The following AEBP1 variants were observed in gnomAD, a reference collection of about 807,000 sequenced individuals.
AEBP1 encodes the protein AE binding protein 1.
In AEBP1, 69 loss-of-function variants were observed where a neutral mutation model predicts 116.5. The ratio of observed to expected loss-of-function variants is 0.59; its 90% CI spans 0.49 to 0.72. The LOEUF is 0.72. Among genes scored for constraint, AEBP1 ranks in the 30% least tolerant of loss-of-function variants. AEBP1 has a pLI of 0.00. For synonymous variants in AEBP1, 627 were observed against 627.3 expected (o/e 1.00, Z 0.01); for missense variants, 1,444 against 1,557.5 (o/e 0.93, Z 1.23).
Position 44,113,094 on chromosome 7 carries a change from G to T in AEBP1, c.2673G>T (p.Glu891Asp). ...PHESELPREW[E>D]NNKEALLTFM... ...AGAGTGAGCTGCCCCGCGAGTGGGA[G>T]AACAACAAGGAGGCGCTGCTCACCT... The change falls in exon 19 of 21, where the codon GAG becomes GAT. Residue 891 changes from glutamate to aspartate, a missense_variant. Transcript: ENST00000223357. The surrounding 1 kb of genome is among the most constrained non-coding windows in gnomAD (Gnocchi z 5.3). 6.2e-7 allele frequency: 1 copy of T among 1,614,090 alleles called. No homozygotes were observed. The highest frequency in any genetic ancestry group is 1.3e-5 in the African/African-American group (1 of 75,040).
At position 44,113,800 on chromosome 7, in the gene AEBP1, G is replaced by C; in HGVS notation, c.3016G>C (p.Asp1006His). 6.2e-7 allele frequency: 1 copy of C among 1,614,046 alleles called. No individual in the cohort carries two copies. ...CGGGAACCGGCCTATCCCACACATA[G>C]ACCCATCGCGCCCTATGACCCCCCA... ...MNGNRPIPHIDPSRPMTPQQR... is the reference protein window; with the variant it reads ...MNGNRPIPHIHPSRPMTPQQR... The change falls in exon 21 of 21, where the codon GAC becomes CAC. Residue 1006 changes from aspartate (D) to histidine (H), a missense_variant. Transcript: ENST00000223357. The surrounding 1 kb of genome is among the most constrained non-coding windows in gnomAD (Gnocchi z 5.3).
Position 44,108,154 on chromosome 7 carries a change from A to G in AEBP1, c.940+70A>G. The stretch of plus-strand genomic sequence containing the variant: ...GGGTCGGGGCTGGGGTGTGGTCAGG[A>G]GCCAGCTGGGGCAACTCACCCACCT... On this transcript the variant is annotated intron_variant, in intron 6 of 20. Transcript: ENST00000223357. The surrounding 1 kb of genome is among the most constrained non-coding windows in gnomAD (Gnocchi z 5.0). 1 of 1,472,182 alleles carries G rather than the reference A, an allele frequency of 6.8e-7. No individual in the cohort carries two copies. Among genetic ancestry groups the G allele is most frequent in the South Asian group, 1.2e-5 (1 of 81,562 alleles). 91.2% of individuals were successfully genotyped at this position (1,472,182 alleles called of 1,614,324 possible).
rs561000204 is a variant in AEBP1, at chr7:44,114,156, G to A, written c.3372G>A (p.Glu1124=). Reference sequence around the variant, plus strand: ...AGTTTGAGACCCAGCTGGAACCCGAGTTTGAGGAAGAGGAGGAGGAGGAGA... The same window carrying A: ...AGTTTGAGACCCAGCTGGAACCCGAATTTGAGGAAGAGGAGGAGGAGGAGA... The part of the protein sequence containing the change: ...EPEFETQLEP[E]FEEEEEEEKE... The change falls in exon 21 of 21, where the codon GAG becomes GAA. Residue 1124 remains glutamate, a synonymous_variant. Transcript: ENST00000223357. 8.7e-6 allele frequency: 14 copies of A among 1,613,992 alleles called. No individual in the cohort carries two copies. The highest frequency in any genetic ancestry group is 1.2e-5 in the Non-Finnish European group (14 of 1,180,040).
chr7:44,107,479 G>T lies in AEBP1; in HGVS notation c.636G>T (p.Glu212Asp), dbSNP rs772259453. The T allele has an allele frequency of 1.2e-6, 2 of 1,613,454 alleles. No homozygotes were observed. The highest frequency in any genetic ancestry group is 1.7e-6 in the Non-Finnish European group (2 of 1,179,984). ...ATAACTGGCAGAATCCAGGAGAGGA[G>T]ACCCATGTGGAGGCACGGGAGCACC... ...LSNNWQNPGE[E>D]THVEAREHQP... The change falls in exon 3 of 21, where the codon GAG becomes GAT. Residue 212 changes from glutamate to aspartate, a missense_variant. Glu to Asp is a conservative substitution (Grantham distance 45). Transcript: ENST00000223357. This position sits in a 1 kb window ranked among gnomAD's most constrained non-coding sequence, Gnocchi z 4.3.
Position 44,114,127 on chromosome 7 carries a change from C to T in AEBP1, c.3343C>T (p.Pro1115Ser). 1.2e-6 allele frequency: 2 copies of T among 1,613,978 alleles called. No homozygotes were observed. Among genetic ancestry groups the T allele is most frequent in the Non-Finnish European group, 1.7e-6 (2 of 1,180,006 alleles). ...VEPEFETQLE[P>S]EFETQLEPEF... ...GCCCGAGTTTGAGACCCAGTTGGAG[C>T]CTGAGTTTGAGACCCAGCTGGAACC... Residue 1115 changes from proline to serine, a missense_variant, in exon 21 of 21, where the codon CCT becomes TCT. Physicochemically the swap from Pro to Ser is moderately conservative, Grantham distance 74. Transcript: ENST00000223357.
At position 44,112,309 on chromosome 7, in the gene AEBP1, G is replaced by A; in HGVS notation, c.2205G>A (p.Ser735=). 6.4e-7 allele frequency: 1 copy of A among 1,551,506 alleles called. No individual in the cohort carries two copies. Among genetic ancestry groups the A allele is most frequent in the Non-Finnish European group, 8.7e-7 (1 of 1,146,430 alleles). ...TGCCCATCCCTGAACGCTACCTTTC[G>A]CCAGATGCCACGGTGAGGCTACAGC... is the stretch of plus-strand genomic sequence containing the variant. ...NNLPIPERYL[S]PDATVSTEVR... The change falls in exon 17 of 21, where the codon TCG becomes TCA. Residue 735 remains serine, a synonymous_variant. Coordinates refer to ENST00000223357, the MANE Select transcript of AEBP1 (RefSeq NM_001129.5). This position sits in a 1 kb window ranked among gnomAD's most constrained non-coding sequence, Gnocchi z 6.6.
chr7:44,106,716 C>A lies in AEBP1; in HGVS notation c.424C>A (p.Pro142Thr). The change falls in exon 2 of 21, where the codon CCC becomes ACC. Residue 142 changes from proline (P) to threonine (T), a missense_variant. Coordinates refer to ENST00000223357, the MANE Select transcript of AEBP1 (RefSeq NM_001129.5). ...GAAGCCACCTAAGGCCACCAAGAAG[C>A]CCAAGGAGAAGCCACCCAAGGCCAC... The part of the protein sequence containing the change: ...KEKPPKATKK[P>T]KEKPPKATKK... 1.2e-6 allele frequency: 2 copies of A among 1,612,570 alleles called. No homozygotes were observed. The highest frequency in any genetic ancestry group is 2.2e-5 in the South Asian group (2 of 90,874).
At position 44,114,280 on chromosome 7, in the gene AEBP1, A is replaced by T. The variant is rs1437705342; in HGVS notation, c.*19A>T. On this transcript the variant is annotated 3_prime_UTR_variant, in exon 21 of 21. Coordinates refer to ENST00000223357, the MANE Select transcript of AEBP1 (RefSeq NM_001129.5). Reference sequence around the variant, plus strand: ...CTTCTGAGATCAGCGTCCTACCAAGACCCCAGCCCAACTCAAGCTACAGCA... The same window carrying T: ...CTTCTGAGATCAGCGTCCTACCAAGTCCCCAGCCCAACTCAAGCTACAGCA... 10 of 1,610,946 alleles carry T rather than the reference A, an allele frequency of 6.2e-6. No homozygotes were observed. In the East Asian group the frequency reaches 2.0e-4, roughly 32 times the overall value.
Position 44,112,387 on chromosome 7 carries a change from G to A in AEBP1, c.2217+66G>A, listed in dbSNP as rs55784724. The stretch of plus-strand genomic sequence containing the variant: ...TGGACCCTGGGGTCCTGGTGTTCTG[G>A]GCTTGGGGGTGGGGCTGACGGTGCC... On this transcript the variant is annotated intron_variant, in intron 17 of 20. Transcript: ENST00000223357. This position sits in a 1 kb window ranked among gnomAD's most constrained non-coding sequence, Gnocchi z 6.6. The A allele has an allele frequency of 0.014, 20,369 of 1,499,434 alleles. 148 individuals carry two copies. The highest frequency in any genetic ancestry group is 0.024 in the Middle Eastern group (103 of 4,272). The allele number at this position is 1,499,434 out of a possible 1,614,324, so 92.9% of individuals were successfully genotyped here.
chr7:44,110,981 T>C lies in AEBP1; in HGVS notation c.1554T>C (p.Arg518=), dbSNP rs1415805789. ...LSELPEPVVA[R]FIRIYPLTWN... The stretch of plus-strand genomic sequence containing the variant: ...AGCTCCCAGAGCCGGTGGTGGCTCG[T>C]TTCATCCGCATCTACCCACTCACCT... The change falls in exon 13 of 21, where the codon CGT becomes CGC. Residue 518 remains arginine (R), a synonymous_variant. Transcript: ENST00000223357. 6.2e-6 allele frequency: 10 copies of C among 1,613,696 alleles called. No individual in the cohort carries two copies. The highest frequency in any genetic ancestry group is 6.8e-6 in the Non-Finnish European group (8 of 1,179,982).
At position 44,110,190 on chromosome 7, in the gene AEBP1, C is replaced by G. The variant is rs1210314375; in HGVS notation, c.1261-17C>G. 1 of 1,613,500 alleles carries G rather than the reference C, an allele frequency of 6.2e-7. No homozygotes were observed. Among genetic ancestry groups the G allele is most frequent in the Admixed American group, 1.7e-5 (1 of 60,018 alleles). On this transcript the variant is annotated splice_polypyrimidine_tract_variant and intron_variant, in intron 10 of 20. Coordinates refer to ENST00000223357, the MANE Select transcript of AEBP1 (RefSeq NM_001129.5). ...GACTCCTCCGCCCATGCTCAGCCTC[C>G]CCTGCCCCCTGGACAGACCGGTGCC...
Position 44,112,981 on chromosome 7 carries a change from C to T in AEBP1, c.2570-10C>T, listed in dbSNP as rs769087392. On this transcript the variant is annotated splice_polypyrimidine_tract_variant and intron_variant, in intron 18 of 20. Transcript: ENST00000223357. The surrounding 1 kb of genome is among the most constrained non-coding windows in gnomAD (Gnocchi z 6.6). The stretch of plus-strand genomic sequence containing the variant: ...GGGCTGACTTTGGGTCTGTATCTGT[C>T]CCCGGCCAGCTATCAATGACTTCAG... 2.0e-5 allele frequency: 32 copies of T among 1,613,814 alleles called. No individual in the cohort carries two copies. In the Admixed American group the frequency reaches 4.8e-4, roughly 24 times the overall value.
In AEBP1 at chr7:44,110,816, A is replaced by C. The variant is rs761293258; in HGVS notation, c.1485+7A>C. 2.5e-6 allele frequency: 4 copies of C among 1,579,814 alleles called. 1 individual carries two copies. The Admixed American group carries it at 7.2e-5, about 28-fold the overall frequency. ...CAACGGCTATGAGGAAATGGTGGGC[A>C]CCATGCCCAGGCTCTTGGCTCTGCT... On this transcript the variant is annotated splice_region_variant and intron_variant, in intron 12 of 20. Transcript: ENST00000223357.
chr7:44,106,188 A>C, intron 1 of AEBP1: 3 of 490,664 alleles, frequency 6.1e-6, no homozygotes, highest in African/African-American at 1.9e-5. Flanking sequence ...TGGATGGCTC[A>C]GTCACCTCTC....
rs201501212 is a variant in AEBP1, at chr7:44,110,927, C to T, written c.1500C>T (p.Asn500=). ...CCTCTCCCCAGACCTTTCATGGGAA[C>T]GTGGACAAGGACACACCCGTGCTGA... is the stretch of plus-strand genomic sequence containing the variant. The part of the protein sequence containing the change: ...NGYEEMTFHG[N]VDKDTPVLSE... Residue 500 remains asparagine (N), a synonymous_variant, in exon 13 of 21, where the codon AAC becomes AAT. Coordinates refer to ENST00000223357, the MANE Select transcript of AEBP1 (RefSeq NM_001129.5). 2.7e-5 allele frequency: 44 copies of T among 1,613,960 alleles called. No homozygotes were observed. Among genetic ancestry groups the T allele is most frequent in the Middle Eastern group, 1.6e-4 (1 of 6,062 alleles).
rs2096226938 is a variant in AEBP1, at chr7:44,109,785, G to A, written c.1151-230G>A. 3 of 589,054 alleles carry A rather than the reference G, an allele frequency of 5.1e-6. No individual in the cohort carries two copies. The South Asian group carries it at 6.0e-5, about 12-fold the overall frequency. The allele number at this position is 589,054 out of a possible 1,614,324, so 36.5% of individuals were successfully genotyped here. A position where few individuals can be genotyped will look rare whatever the true frequency, so the allele number is the denominator to read the frequency against. On this transcript the variant is annotated intron_variant, in intron 9 of 20. Coordinates refer to ENST00000223357, the MANE Select transcript of AEBP1 (RefSeq NM_001129.5). ...AGCCCGTTCTCCAGATGGGGCAGCT[G>A]AGGCCCAGGGAGGGGAAGCACAGGC... is the stretch of plus-strand genomic sequence containing the variant.
At position 44,108,015 on chromosome 7, in the gene AEBP1, G is replaced by C; in HGVS notation, c.871G>C (p.Val291Leu). The change falls in exon 6 of 21, where the codon GTG becomes CTG. Residue 291 changes from valine (V) to leucine (L), a missense_variant. By Grantham distance (32) the Val-to-Leu change is conservative (BLOSUM62 1). Coordinates refer to ENST00000223357, the MANE Select transcript of AEBP1 (RefSeq NM_001129.5). The surrounding 1 kb of genome is among the most constrained non-coding windows in gnomAD (Gnocchi z 5.0). ...PAPEERIEPPVKPLLPPLPPD... is the reference protein window; with the variant it reads ...PAPEERIEPPLKPLLPPLPPD... ...CCTCCCCGCCTCCCCAGAGCCTCCT[G>C]TGAAGCCTCTGCTGCCCCCGCTGCC... is the stretch of plus-strand genomic sequence containing the variant. 6.3e-7 allele frequency: 1 copy of C among 1,589,906 alleles called. No individual in the cohort carries two copies.
chr7:44,111,618 G>A lies in AEBP1; in HGVS notation c.1828G>A (p.Glu610Lys). The change falls in exon 15 of 21, where the codon GAG becomes AAG. Residue 610 changes from glutamate to lysine, a missense_variant. Physicochemically the swap from Glu to Lys is moderately conservative, Grantham distance 56. Transcript: ENST00000223357. The surrounding 1 kb of genome is among the most constrained non-coding windows in gnomAD (Gnocchi z 4.7). ...CATGGAGATCTCAGACAACCCTGGGGAGCATGAACTGGGTGAGGGTCTGTG... is the reference window on the plus strand; with the variant it reads ...CATGGAGATCTCAGACAACCCTGGGAAGCATGAACTGGGTGAGGGTCTGTG... ...YAMEISDNPG[E>K]HELGEPEFRY... 2 of 1,613,054 alleles carry A rather than the reference G, an allele frequency of 1.2e-6. No homozygotes were observed. The highest frequency in any genetic ancestry group is 1.3e-5 in the African/African-American group (1 of 74,954).
intron 1 of AEBP1, chr7:44,106,271 TG>T (rs890549568): frequency 3.2e-6 from 2 of 624,604 alleles, no homozygotes; most frequent in Middle Eastern, 2.5e-4. Flanking sequence ...TTTTGGCAGG[TG>T]GGGGGATGAG....
Sources: gnomAD v4.1 joint callset for allele counts on GRCh38, gnomAD v4.1.1 for gene constraint, Gnocchi (gnomAD v3.1) non-coding constraint, MANE v1.5 for transcripts, NCBI Gene and HGNC (gene_info 2026-07-23, HGNC 2026-07-21) for gene names.